The following MXD1 variants were observed in gnomAD, a reference collection of about 807,000 sequenced individuals.
MXD1 encodes MAX dimerization protein 1, also known as MAX-binding protein.
A neutral mutation model predicts 25.7 loss-of-function variants in MXD1; 9 were observed. The ratio of observed to expected loss-of-function variants is 0.35; its 90% CI spans 0.21 to 0.61. MXD1 has a LOEUF of 0.61. Ranked by LOEUF, MXD1 falls within the 20% of genes least tolerant of loss-of-function variation. The probability of loss-of-function intolerance (pLI) is 0.75; values close to 1 mark genes in which losing one functional copy is unlikely to be tolerated. For synonymous variants in MXD1, 99 were observed against 113.9 expected (o/e 0.87, Z 0.83); for missense variants, 227 against 292.4 (o/e 0.78, Z 1.63).
intron 3 of MXD1, among the ~76,000 whole-genome samples, chr2:69,934,318 G>C (rs1383442740): frequency 6.6e-6 from 1 of 152,160 alleles, no homozygotes; most frequent in Admixed American, 6.5e-5. Flanking sequence ...CCAAATCTCA[G>C]CTGCTTCTTA....
chr2:69,921,111 G>A lies in MXD1; in HGVS notation c.174-625G>A, dbSNP rs548663608. Among the ~76,000 whole-genome samples the A allele has an allele frequency of 2.6e-5, 4 of 152,218 alleles. No homozygotes were observed. The South Asian group carries it at 8.3e-4, about 32-fold the overall frequency. ...CCACAGTATATCAGTGGCAAAGCTG[G>A]ACTTCACATTTCACTAACTTCTGCT... On this transcript the variant is annotated intron_variant, in intron 2 of 5. Coordinates refer to ENST00000264444, the MANE Select transcript of MXD1 (RefSeq NM_002357.4).
Position 69,915,515 on chromosome 2 carries a change from C to A in MXD1, c.73+112C>A. The A allele has an allele frequency of 1.2e-6, 1 of 860,080 alleles. No homozygotes were observed. Among genetic ancestry groups the A allele is most frequent in the South Asian group, 5.2e-5 (1 of 19,358 alleles). 53.3% of individuals were successfully genotyped at this position (860,080 alleles called of 1,614,324 possible). Reference sequence around the variant, plus strand: ...GGGGTGGTTGGAGGCGGGGAGACCGCGAGCGCTCCCAACCCCTCTGGCTCT... The same window carrying A: ...GGGGTGGTTGGAGGCGGGGAGACCGAGAGCGCTCCCAACCCCTCTGGCTCT... On this transcript the variant is annotated intron_variant, in intron 1 of 5. Transcript: ENST00000264444. The surrounding 1 kb of genome is among the most constrained non-coding windows in gnomAD (Gnocchi z 5.8).
rs1315061739 is a variant in MXD1, at chr2:69,915,119, G to A, written c.-212G>A. 2 of 409,690 alleles carry A rather than the reference G, an allele frequency of 4.9e-6. No individual in the cohort carries two copies. Among genetic ancestry groups the A allele is most frequent in the Admixed American group, 4.4e-5 (1 of 22,732 alleles). 25.4% of individuals were successfully genotyped at this position (409,690 alleles called of 1,614,324 possible). On this transcript the variant is annotated 5_prime_UTR_variant, in exon 1 of 6. Coordinates refer to ENST00000264444, the MANE Select transcript of MXD1 (RefSeq NM_002357.4). This position sits in a 1 kb window ranked among gnomAD's most constrained non-coding sequence, Gnocchi z 5.8. The stretch of plus-strand genomic sequence containing the variant: ...GCGGTGGCGGCTGCTGCTCTGCTCC[G>A]GGTTCTGTCACTGTGTCGGCGGTGC...
chr2:69,937,416 C>T (rs1446729256), intron 5 of MXD1, 22 bp downstream of exon 5: 1 of 1,577,228 alleles, frequency 6.3e-7, no homozygotes, highest in Admixed American at 1.8e-5. Flanking sequence ...TCACTCTCCT[C>T]CCTGTCTCCC....
rs772558344 is a variant in MXD1, at chr2:69,937,265, C to T, written c.349C>T (p.His117Tyr). 6.2e-6 allele frequency: 10 copies of T among 1,614,054 alleles called. No homozygotes were observed. The highest frequency in any genetic ancestry group is 5.0e-5 in the Admixed American group (3 of 59,996). Residue 117 changes from histidine (H) to tyrosine (Y), a missense_variant, in exon 5 of 6, where the codon CAC (histidine) becomes TAC (tyrosine). By Grantham distance (83) the His-to-Tyr change is moderately conservative. Coordinates refer to ENST00000264444, the MANE Select transcript of MXD1 (RefSeq NM_002357.4). ...TGAAGATTGTGACAGAAAAGCCGTT[C>T]ACCAAATCGACCAGCTTCAGCGAGA... ...KLEDCDRKAV[H>Y]QIDQLQREQR...
intron 3 of MXD1, among the ~76,000 whole-genome samples, chr2:69,925,034 CT>C (rs1303522464): frequency 1.3e-5 from 2 of 152,164 alleles, no homozygotes; most frequent in Admixed American, 6.5e-5. Flanking sequence ...GTAGTATTTT[CT>C]ACTCAACAGA....
chr2:69,920,608 T>G (rs1677047387), intron 2 of MXD1, among the ~76,000 whole-genome samples: 1 of 152,166 alleles, frequency 6.6e-6, no homozygotes, highest in Non-Finnish European at 1.5e-5. Flanking sequence ...GTGGTATTCC[T>G]CCATGATTGC....
chr2:69,920,350 T>C (rs1677042429), intron 2 of MXD1, among the ~76,000 whole-genome samples: 1 of 152,224 alleles, frequency 6.6e-6, no homozygotes, highest in African/African-American at 2.4e-5. Flanking sequence ...ATTGTTTACC[T>C]AGAAAACAAA....
chr2:69,924,064 T>C (rs895538475), intron 3 of MXD1, among the ~76,000 whole-genome samples: 1 of 152,240 alleles, frequency 6.6e-6, no homozygotes, highest in Admixed American at 6.5e-5. Context: ...TTTCTGTCTA[T>C]GGTGGCCCCA....
At chr2:69,931,362 A>ACTCT (rs1175039133) in intron 3 of MXD1, among the ~76,000 whole-genome samples, 1 of 150,672 alleles carries the variant, frequency 6.6e-6, no homozygotes, top group African/African-American at 2.5e-5. Flanking sequence ...TAACCCTCCT[A>ACTCT]CTCTCTATGT....
rs1286389647 is a variant in MXD1, at chr2:69,941,304, T to A, written c.*3020T>A. The stretch of plus-strand genomic sequence containing the variant: ...ACATAGCTTTCCATCCCCTGTTGGC[T>A]TTGAATGGTGGGCCGAGCACCCAGG... On this transcript the variant is annotated 3_prime_UTR_variant, in exon 6 of 6. Coordinates refer to ENST00000264444, the MANE Select transcript of MXD1 (RefSeq NM_002357.4). 6.6e-6 allele frequency: 1 copy of A among 152,226 alleles called. No homozygotes were observed. The highest frequency in any genetic ancestry group is 1.9e-4 in the East Asian group (1 of 5,202). 9.4% of individuals were successfully genotyped at this position (152,226 alleles called of 1,614,324 possible). A position where few individuals can be genotyped will look rare whatever the true frequency, so the allele number is the denominator to read the frequency against.
At position 69,935,469 on chromosome 2, in the gene MXD1, A is replaced by AGT; in HGVS notation, c.318+7_318+8dup. ...AAAAGCCAAATTGCACATAAAGGTAAGTGTATTGTTGGGATGCTGCTTTAT... is the reference window on the plus strand; with the variant it reads ...AAAAGCCAAATTGCACATAAAGGTAAGTGTGTATTGTTGGGATGCTGCTTTAT... On this transcript the variant is annotated splice_donor_region_variant and intron_variant, in intron 4 of 5. Coordinates refer to ENST00000264444, the MANE Select transcript of MXD1 (RefSeq NM_002357.4). 2.5e-6 allele frequency: 4 copies of AGT among 1,595,920 alleles called. No individual in the cohort carries two copies. Among genetic ancestry groups the AGT allele is most frequent in the Non-Finnish European group, 3.4e-6 (4 of 1,163,458 alleles).
At chr2:69,927,600 T>C (rs1485252815) in intron 3 of MXD1, among the ~76,000 whole-genome samples, 1 of 152,174 alleles carries the variant, frequency 6.6e-6, no homozygotes, top group Admixed American at 6.5e-5. Context: ...CCCTTACTTT[T>C]TGTCATAGGC....
chr2:69,941,866 A>G lies in MXD1; in HGVS notation c.*3582A>G, dbSNP rs553788556. 51 of 147,284 alleles carry G rather than the reference A, an allele frequency of 3.5e-4. No homozygotes were observed. Among genetic ancestry groups the G allele is most frequent in the African/African-American group, 1.3e-3 (48 of 37,986 alleles). The allele number at this position is 147,284 out of a possible 1,614,324, so 9.1% of individuals were successfully genotyped here. ...ATTTTTGAAAAGTATCTATATATAC[A>G]CACACACACACACACACACATATTA... On this transcript the variant is annotated 3_prime_UTR_variant, in exon 6 of 6. Transcript: ENST00000264444.
At chr2:69,925,746 T>C (rs940994943) in intron 3 of MXD1, among the ~76,000 whole-genome samples, 1 of 152,226 alleles carries the variant, frequency 6.6e-6, no homozygotes, top group Non-Finnish European at 1.5e-5. Flanking sequence ...CAATGCTTTC[T>C]TAAACCACCT....
chr2:69,937,996 C>T, intron 5 of MXD1, 101 bp from the exon 6 acceptor site: 1 of 1,131,562 alleles, frequency 8.8e-7, no homozygotes, highest in Non-Finnish European at 1.3e-6. Context: ...ATCCACCCGC[C>T]TTTGCCTCCC....
chr2:69,919,575 C>A (rs1401127564), intron 2 of MXD1, among the ~76,000 whole-genome samples: 1 of 152,032 alleles, frequency 6.6e-6, no homozygotes, highest in Non-Finnish European at 1.5e-5. Context: ...GAACTCCTGA[C>A]CTCAAGTGAT....
intron 5 of MXD1, 71 bp downstream of exon 5, chr2:69,937,465 G>T: frequency 7.1e-7 from 1 of 1,411,208 alleles, no homozygotes. Flanking sequence ...TCAGTACTGC[G>T]GACAGGAGGC....
Position 69,924,984 on chromosome 2 carries a change from T to C in MXD1, c.203+3219T>C, listed in dbSNP as rs1327826055. Among the ~76,000 whole-genome samples the C allele has an allele frequency of 2.0e-5, 3 of 152,174 alleles. No individual in the cohort carries two copies. In the East Asian group the frequency reaches 5.8e-4, roughly 29 times the overall value. Reference sequence around the variant, plus strand: ...ACACTTTGAAGTATCTTCGCATTGGTGGGACAATAAAAGAAAAGACTTCTA... The same window carrying C: ...ACACTTTGAAGTATCTTCGCATTGGCGGGACAATAAAAGAAAAGACTTCTA... On this transcript the variant is annotated intron_variant, in intron 3 of 5. Coordinates refer to ENST00000264444, the MANE Select transcript of MXD1 (RefSeq NM_002357.4).
Sources: gnomAD v4.1 joint callset for allele counts (sites outside exome capture counted in the v4.1 genomes callset) on GRCh38, gnomAD v4.1.1 for gene constraint, Gnocchi (gnomAD v3.1) non-coding constraint, MANE v1.5 for transcripts, NCBI Gene and HGNC (gene_info 2026-07-23, HGNC 2026-07-21) for gene names.